Variants in PTPN13 observed in about 807,000 individuals in gnomAD.
PTPN13 encodes the protein tyrosine-protein phosphatase non-receptor type 13.
A neutral mutation model predicts 284.0 loss-of-function variants in PTPN13; 191 were observed. The observed-to-expected ratio is 0.67, with a 90% confidence interval of 0.60 to 0.76. The LOEUF (loss-of-function observed/expected upper bound fraction) is 0.76. Ranked by LOEUF, PTPN13 falls within the 30% of genes least tolerant of loss-of-function variation. The pLI is 0.00. For missense variants in PTPN13, 2,797 were observed against 2,939.9 expected (o/e 0.95, Z 1.12); for synonymous variants, 986 against 1,022.3 (o/e 0.96, Z 0.68).
intron 7 of PTPN13, among the ~76,000 whole-genome samples, chr4:86,712,479 GTTAAAT>G (rs1732530591): frequency 6.6e-6 from 1 of 151,792 alleles, no homozygotes; most frequent in African/African-American, 2.4e-5. Context: ...ACCTGAAAAC[GTTAAAT>G]TTATTATTCA....
chr4:86,803,205 TAC>T (rs924769127), intron 42 of PTPN13, among the ~76,000 whole-genome samples: 4 of 150,684 alleles, frequency 2.7e-5, no homozygotes, highest in African/African-American at 7.3e-5. Flanking sequence ...TGTATATATA[TAC>T]ACACACATAT....
intron 40 of PTPN13, among the ~76,000 whole-genome samples, chr4:86,795,367 A>G (rs1352197866): frequency 2.6e-5 from 4 of 152,314 alleles, no homozygotes; most frequent in East Asian, 1.9e-4. Flanking sequence ...TAGAATGGCA[A>G]TCGTTAAAAA....
At chr4:86,693,457 A>G (rs1042975466) in intron 5 of PTPN13, 130 bp from the exon 6 acceptor site, 1 of 521,148 alleles carries the variant, frequency 1.9e-6, no homozygotes, top group African/African-American at 1.9e-5. Flanking sequence ...ATACAATAGG[A>G]CATAGAGTCT....
Position 86,611,584 on chromosome 4 carries a change from G to A in PTPN13, c.-6+16795G>A, listed in dbSNP as rs533082010. 1.2e-4 allele frequency among the ~76,000 whole-genome samples: 19 copies of A among 152,268 alleles called. No individual in the cohort carries two copies. The East Asian group carries it at 2.5e-3, about 20-fold the overall frequency. On this transcript the variant is annotated intron_variant, in intron 1 of 47. Transcript: ENST00000411767. ...AACAATTTTCAGGACACTGTACATC[G>A]GGTAATAAAGGACAGTGATCCGTGA...
chr4:86,789,084 G>A (rs1165054092), intron 40 of PTPN13, among the ~76,000 whole-genome samples: 3 of 152,166 alleles, frequency 2.0e-5, no homozygotes, highest in Non-Finnish European at 4.4e-5. Flanking sequence ...GAACATTCAG[G>A]ACACTAAGTC....
At chr4:86,731,787 T>C (rs12499984) in intron 10 of PTPN13, among the ~76,000 whole-genome samples, 12,435 of 152,118 alleles carry the variant, frequency 0.082, 645 homozygotes, top group Non-Finnish European at 0.11. Context: ...GAACTACAGG[T>C]ATGCACCACA....
intron 28 of PTPN13, 41 bp from the exon 29 acceptor site, chr4:86,769,728 T>A (rs1169765128): frequency 7.8e-7 from 1 of 1,287,034 alleles, no homozygotes; most frequent in African/African-American, 1.5e-5. Context: ...AAACACAGCA[T>A]GTTAATAATA....
intron 1 of PTPN13, among the ~76,000 whole-genome samples, chr4:86,633,015 A>G (rs1269071777): frequency 6.6e-6 from 1 of 152,002 alleles, no homozygotes. Flanking sequence ...CATGTTGTCC[A>G]GGCTGGTTTT....
At chr4:86,639,360 A>C (rs1304105754) in intron 2 of PTPN13, among the ~76,000 whole-genome samples, 1 of 152,204 alleles carries the variant, frequency 6.6e-6, no homozygotes, top group Non-Finnish European at 1.5e-5. Context: ...TCATGCTGCT[A>C]TAAAGACACA....
In PTPN13 at chr4:86,689,084, G is replaced by A. The variant is rs779832378; in HGVS notation, c.440G>A (p.Arg147Gln). The change falls in exon 5 of 48, where the codon CGG becomes CAG. Residue 147 changes from arginine (R) to glutamine (Q), a missense_variant. Transcript: ENST00000411767. Reference sequence around the variant, plus strand: ...GTTATTTACGCTCGAGTTTCTGTTCGGACTGTGCTGGATGCTTGCAGTGCC... The same window carrying A: ...GTTATTTACGCTCGAGTTTCTGTTCAGACTGTGCTGGATGCTTGCAGTGCC... ...EDVIYARVSV[R>Q]TVLDACSAHI... 97 of 1,601,360 alleles carry A rather than the reference G, an allele frequency of 6.1e-5. 1 individual carries two copies. Among genetic ancestry groups the A allele is most frequent in the Non-Finnish European group, 7.3e-5 (85 of 1,168,618 alleles).
intron 3 of PTPN13, among the ~76,000 whole-genome samples, chr4:86,682,112 C>T (rs1009527162): frequency 3.3e-5 from 5 of 152,154 alleles, no homozygotes; most frequent in African/African-American, 9.7e-5. Flanking sequence ...TATCTTATCA[C>T]ACTCCCTAGT....
intron 3 of PTPN13, among the ~76,000 whole-genome samples, chr4:86,676,258 A>G (rs913217690): frequency 1.3e-5 from 2 of 152,234 alleles, no homozygotes; most frequent in Non-Finnish European, 2.9e-5. Context: ...ACACAGTCCA[A>G]TATGTAATCA....
chr4:86,672,621 C>A, intron 3 of PTPN13, 78 bp downstream of exon 3: 2 of 1,144,802 alleles, frequency 1.7e-6, no homozygotes, highest in South Asian at 1.8e-5. Context: ...TACCATGTTT[C>A]AACCCTCTGA....
intron 2 of PTPN13, among the ~76,000 whole-genome samples, chr4:86,636,678 G>T (rs1183452649): frequency 6.6e-6 from 1 of 151,996 alleles, no homozygotes; most frequent in African/African-American, 2.4e-5. Context: ...ATTCAAAGCA[G>T]TGTGTAGAGG....
At position 86,780,898 on chromosome 4, in the gene PTPN13, C is replaced by T. The variant is rs550821379; in HGVS notation, c.5962+426C>T. Among the ~76,000 whole-genome samples the T allele has an allele frequency of 1.8e-4, 27 of 152,264 alleles. No homozygotes were observed. In the South Asian group the frequency reaches 5.0e-3, roughly 28 times the overall value. ...TAGTTCATACTGTATGATTCTATTA[C>T]ACAGTTGTAGACAATGCAAATTATA... On this transcript the variant is annotated intron_variant, in intron 36 of 47. Coordinates refer to ENST00000411767, the MANE Select transcript of PTPN13 (RefSeq NM_080683.3).
chr4:86,632,458 T>G (rs1029665454), intron 1 of PTPN13, among the ~76,000 whole-genome samples: 4 of 152,256 alleles, frequency 2.6e-5, no homozygotes, highest in Non-Finnish European at 4.4e-5. Flanking sequence ...GGCTGGCCCT[T>G]TTTCTTCGGT....
intron 44 of PTPN13, among the ~76,000 whole-genome samples, chr4:86,806,231 CTG>C (rs1278613492): frequency 6.6e-6 from 1 of 151,158 alleles, no homozygotes; most frequent in African/African-American, 2.4e-5. Flanking sequence ...AAAAATCACA[CTG>C]TGATTTTTTT....
chr4:86,609,845 T>C (rs996226148), intron 1 of PTPN13, among the ~76,000 whole-genome samples: 45 of 152,194 alleles, frequency 3.0e-4, no homozygotes, highest in African/African-American at 1.1e-3. Context: ...ACAACCGAAG[T>C]TGTACTTCGG....
chr4:86,762,716 T>G lies in PTPN13; in HGVS notation c.3554-11T>G. On this transcript the variant is annotated splice_polypyrimidine_tract_variant and intron_variant, in intron 23 of 47. Coordinates refer to ENST00000411767, the MANE Select transcript of PTPN13 (RefSeq NM_080683.3). ...AACTTGTTACTCTCATTGATGGATT[T>G]TGACTTTTAGTGCCTTCTACTCCTG... 3 of 1,571,140 alleles carry G rather than the reference T, an allele frequency of 1.9e-6. No homozygotes were observed. The highest frequency in any genetic ancestry group is 2.6e-6 in the Non-Finnish European group (3 of 1,146,256).
Sources: allele counts gnomAD v4.1 joint callset (sites outside exome capture counted in the v4.1 genomes callset), GRCh38; gene constraint gnomAD v4.1.1; transcripts MANE v1.5; gene names NCBI Gene and HGNC (gene_info 2026-07-23, HGNC 2026-07-21).